The following TMEM175 variants were observed in gnomAD, a reference collection of about 807,000 sequenced individuals.
The protein encoded by TMEM175 is transmembrane protein 175.
TMEM175 carries 36 observed loss-of-function variants against 36.5 expected under a neutral mutation model. The observed-to-expected ratio is 0.99, with a 90% CI of 0.76 to 1.30. TMEM175 has a LOEUF of 1.30. Among genes scored for constraint, TMEM175 ranks in the 50% most tolerant of loss-of-function variants. The pLI is 0.00. For synonymous variants in TMEM175, 339 were observed against 313.4 expected, an observed-to-expected ratio of 1.08 and a Z score of -0.86; for missense variants, 705 against 692.8, an observed-to-expected ratio of 1.02 and a Z score of -0.20.
At chr4:957,522 C>A (rs984646521) in intron 10 of TMEM175, among the ~76,000 whole-genome samples, 5 of 152,254 alleles carry the variant, frequency 3.3e-5, no homozygotes, top group African/African-American at 1.2e-4. Flanking sequence ...AGGAGAGCCT[C>A]GGCCAGAGAG....
intron 3 of TMEM175, 80 bp downstream of exon 3, chr4:948,234 C>T (rs1343190724): frequency 6.2e-7 from 1 of 1,612,436 alleles, no homozygotes; most frequent in South Asian, 1.1e-5. Context: ...GCACAGGGTG[C>T]TGACCCTGCA....
At chr4:954,490 G>A (rs373442099) in intron 8 of TMEM175, among the ~76,000 whole-genome samples, 7 of 148,532 alleles carry the variant, frequency 4.7e-5, no homozygotes, top group Admixed American at 2.0e-4. Flanking sequence ...CGTGAGTGGC[G>A]CCGCTGTGAG....
At chr4:954,757 C>G (rs946328737) in intron 8 of TMEM175, among the ~76,000 whole-genome samples, 1 of 152,152 alleles carries the variant, frequency 6.6e-6, no homozygotes. Context: ...TTTTACATTC[C>G]CACCAGCAGC....
intron 1 of TMEM175, among the ~76,000 whole-genome samples, chr4:935,704 A>G (rs574009631): frequency 1.3e-5 from 2 of 152,372 alleles, no homozygotes; most frequent in East Asian, 3.9e-4. Context: ...CCACAATAAC[A>G]GCAGAATACA....
intron 1 of TMEM175, among the ~76,000 whole-genome samples, chr4:943,630 T>G (rs1727783886): frequency 6.6e-6 from 1 of 152,210 alleles, no homozygotes; most frequent in Admixed American, 6.5e-5. Flanking sequence ...TCGGTGGGAA[T>G]GCAGATGGTG....
intron 1 of TMEM175, among the ~76,000 whole-genome samples, chr4:938,766 T>C (rs1001396394): frequency 6.6e-6 from 1 of 152,156 alleles, no homozygotes; most frequent in African/African-American, 2.4e-5. Context: ...CCATAATAAA[T>C]GGAGAGATAT....
intron 7 of TMEM175, 148 bp from the exon 8 acceptor site, chr4:953,042 C>T (rs1323005168): frequency 2.6e-6 from 2 of 762,982 alleles, no homozygotes; most frequent in East Asian, 2.8e-5. Flanking sequence ...ACCCCAAGAC[C>T]CCTGTGCGCG....
At position 955,749 on chromosome 4, in the gene TMEM175, C is replaced by G. The variant is rs778025081; in HGVS notation, c.707-6C>G. ...GGCCAGCTCCACCCTCCTGGCGTGT[C>G]CCCAGGCCACAGGGAGCCCTCGGCT... On this transcript the variant is annotated splice_polypyrimidine_tract_variant and splice_region_variant and intron_variant, in intron 9 of 10. Transcript: ENST00000264771. 6.2e-7 allele frequency: 1 copy of G among 1,612,682 alleles called. No individual in the cohort carries two copies. Among genetic ancestry groups the G allele is most frequent in the Non-Finnish European group, 8.5e-7 (1 of 1,179,480 alleles).
intron 8 of TMEM175, among the ~76,000 whole-genome samples, chr4:954,319 CTG>C (rs1218251190): frequency 6.6e-5 from 10 of 152,232 alleles, no homozygotes; most frequent in African/African-American, 2.2e-4. Context: ...CTATACAAAA[CTG>C]TGTCAGGACA....
intron 1 of TMEM175, among the ~76,000 whole-genome samples, chr4:935,054 A>G (rs932138680): frequency 6.6e-6 from 1 of 152,228 alleles, no homozygotes; most frequent in East Asian, 1.9e-4. Context: ...AATAGCTATT[A>G]TGAGAAACCT....
chr4:943,979 C>T (rs75598254), intron 1 of TMEM175, among the ~76,000 whole-genome samples: 5,515 of 152,180 alleles, frequency 0.036, 180 homozygotes, highest in East Asian at 0.16. Flanking sequence ...GGTGCGATTC[C>T]GTTTATACCA....
At chr4:951,288 G>A (rs200242961) in intron 5 of TMEM175, 30 bp downstream of exon 5, 168 of 1,613,410 alleles carry the variant, frequency 1.0e-4, no homozygotes, top group Middle Eastern at 3.3e-4. Context: ...TTTCTGGGGA[G>A]TGACTCTGGT....
chr4:953,420 G>T, intron 8 of TMEM175, 66 bp downstream of exon 8: 2 of 1,518,686 alleles, frequency 1.3e-6, no homozygotes. Context: ...CAATGTCCCC[G>T]CTGAGCAACA....
In TMEM175 at chr4:958,317, G is replaced by A. The variant is rs775857994; in HGVS notation, c.1336G>A (p.Gly446Ser). 1 of 1,605,560 alleles carries A rather than the reference G, an allele frequency of 6.2e-7. No homozygotes were observed. Among genetic ancestry groups the A allele is most frequent in the East Asian group, 2.2e-5 (1 of 44,876 alleles). Residue 446 changes from glycine to serine, a missense_variant, in exon 11 of 11, where the codon GGC becomes AGC. By Grantham distance (56) the Gly-to-Ser change is moderately conservative (BLOSUM62 0). Coordinates refer to ENST00000264771, the MANE Select transcript of TMEM175 (RefSeq NM_032326.4). ...STCLLSRFSV[G>S]IFHLMQIAVP... ...CTGCCTGCTGAGCAGGTTCAGTGTG[G>A]GCATCTTCCACCTCATGCAGATCGC...
chr4:948,386 C>T (rs1427884911), intron 3 of TMEM175: 4 of 1,530,290 alleles, frequency 2.6e-6, no homozygotes, highest in East Asian at 2.5e-5. Flanking sequence ...AGACTGGGCT[C>T]CTAGGGCTCT....
At chr4:947,619 C>G in intron 1 of TMEM175, 90 bp from the exon 2 acceptor site, 1 of 999,976 alleles carries the variant, frequency 1.0e-6, no homozygotes, top group Non-Finnish European at 1.4e-6. Context: ...CCCCCCCATA[C>G]CAGTCCCTGT....
intron 9 of TMEM175, 38 bp from the exon 10 acceptor site, chr4:955,717 G>A (rs373395321): frequency 9.4e-6 from 15 of 1,602,764 alleles, no homozygotes; most frequent in Non-Finnish European, 1.2e-5. Context: ...CTCCACATGG[G>A]GGGTTTGGCC....
intron 1 of TMEM175, among the ~76,000 whole-genome samples, chr4:941,952 A>T (rs1043709614): frequency 6.6e-6 from 1 of 152,130 alleles, no homozygotes; most frequent in African/African-American, 2.4e-5. Flanking sequence ...TTTCTCCGGC[A>T]TCATCTTCCA....
At chr4:953,965 T>C (rs1412298292) in intron 8 of TMEM175, among the ~76,000 whole-genome samples, 2 of 151,912 alleles carry the variant, frequency 1.3e-5, no homozygotes, top group Non-Finnish European at 2.9e-5. Flanking sequence ...GATTACAGTG[T>C]GAGCCACCAC....
Sources: allele counts gnomAD v4.1 joint callset (sites outside exome capture counted in the v4.1 genomes callset), GRCh38; gene constraint gnomAD v4.1.1; transcripts MANE v1.5; gene names NCBI Gene and HGNC (gene_info 2026-07-23, HGNC 2026-07-21).